The following TMEM169 variants were observed in gnomAD, a reference collection of about 807,000 sequenced individuals.
TMEM169 encodes transmembrane protein 169.
In TMEM169, 18 loss-of-function variants were observed where a neutral mutation model predicts 27.3. That is an observed-to-expected ratio of 0.66 (90% CI 0.46 to 0.98). The LOEUF (loss-of-function observed/expected upper bound fraction) is 0.98, where lower values mean the gene tolerates loss of function less well. Among genes scored for constraint, TMEM169 ranks in the 50% least tolerant of loss-of-function variants. TMEM169 has a pLI of 0.00. For missense variants in TMEM169, 320 were observed against 368.6 expected, an observed-to-expected ratio of 0.87 and a Z score of 1.08; for synonymous variants, 136 against 142.1, an observed-to-expected ratio of 0.96 and a Z score of 0.30.
chr2:216,091,426 G>A (rs553890862), intron 1 of TMEM169, among the ~76,000 whole-genome samples: 6 of 152,178 alleles, frequency 3.9e-5, no homozygotes, highest in South Asian at 4.2e-4. Flanking sequence ...GCATGGTGGC[G>A]TGTGCCTGTA....
In TMEM169 at chr2:216,099,178, A is replaced by C. The variant is rs956597245; in HGVS notation, c.272-742A>C. 1.2e-4 allele frequency among the ~76,000 whole-genome samples: 17 copies of C among 144,726 alleles called. No homozygotes were observed. Among genetic ancestry groups the C allele is most frequent in the African/African-American group, 4.4e-4 (17 of 38,532 alleles). 94.9% of individuals were successfully genotyped at this position (144,726 alleles called of 152,430 possible). ...TGTGTTGTATGTGGTATGTGTGGGG[A>C]GGTTGTGTGTGGCATGTGTGTGGTG... is the stretch of plus-strand genomic sequence containing the variant. On this transcript the variant is annotated intron_variant, in intron 2 of 2. Transcript: ENST00000437356. The surrounding 1 kb of genome is among the most constrained non-coding windows in gnomAD (Gnocchi z 5.0).
At chr2:216,085,077 C>T (rs1156736805) in intron 1 of TMEM169, among the ~76,000 whole-genome samples, 3 of 152,180 alleles carry the variant, frequency 2.0e-5, no homozygotes, top group African/African-American at 7.2e-5. Context: ...GCAGCCTCTG[C>T]CTCCCAGGTT....
chr2:216,094,492 T>A (rs926398103), intron 1 of TMEM169, among the ~76,000 whole-genome samples: 3 of 152,106 alleles, frequency 2.0e-5, no homozygotes, highest in Non-Finnish European at 2.9e-5. Flanking sequence ...ATGGGTATAG[T>A]CAATGGCCAT....
intron 1 of TMEM169, among the ~76,000 whole-genome samples, chr2:216,091,064 G>C (rs1440617630): frequency 6.6e-6 from 1 of 152,178 alleles, no homozygotes; most frequent in Non-Finnish European, 1.5e-5. Context: ...AGCCAAACAG[G>C]GACAGAGCCA....
chr2:216,100,856 G>C lies in TMEM169; in HGVS notation c.*314G>C. ...AAGTGTTACTGGTGCCTGGAACTGA[G>C]GGGAGTATGTGACTAAATGTGTCAG... On this transcript the variant is annotated 3_prime_UTR_variant, in exon 3 of 3. Coordinates refer to ENST00000437356, the MANE Select transcript of TMEM169 (RefSeq NM_001142311.2). 2.5e-6 allele frequency: 1 copy of C among 401,762 alleles called. No homozygotes were observed. The highest frequency in any genetic ancestry group is 4.6e-6 in the Non-Finnish European group (1 of 215,662). 24.9% of individuals were successfully genotyped at this position (401,762 alleles called of 1,614,324 possible).
At chr2:216,091,286 G>C (rs774622225) in intron 1 of TMEM169, among the ~76,000 whole-genome samples, 11 of 152,034 alleles carry the variant, frequency 7.2e-5, no homozygotes, top group Non-Finnish European at 1.6e-4. Context: ...AGACCCAGAG[G>C]CTAGGCTCAG....
In TMEM169 at chr2:216,099,398, T is replaced by C. The variant is rs558447385; in HGVS notation, c.272-522T>C. 3.3e-5 allele frequency among the ~76,000 whole-genome samples: 5 copies of C among 151,774 alleles called. No homozygotes were observed. The highest frequency in any genetic ancestry group is 1.2e-4 in the African/African-American group (5 of 41,350). On this transcript the variant is annotated intron_variant, in intron 2 of 2. Transcript: ENST00000437356. The surrounding 1 kb of genome is among the most constrained non-coding windows in gnomAD (Gnocchi z 5.0). ...TAGTATGTGAGAGGGTGTATGTGTA[T>C]GGTATATGTGGGATGCATGTGTGTA...
At chr2:216,088,727 T>G (rs1696063544) in intron 1 of TMEM169, among the ~76,000 whole-genome samples, 1 of 152,206 alleles carries the variant, frequency 6.6e-6, no homozygotes, top group Non-Finnish European at 1.5e-5. Context: ...AGATAATGCA[T>G]GTACTGTATA....
chr2:216,100,007 TC>T lies in TMEM169; in HGVS notation c.361del (p.His121MetfsTer4). On this transcript the variant is annotated frameshift_variant, in exon 3 of 3. Coordinates refer to ENST00000437356, the MANE Select transcript of TMEM169 (RefSeq NM_001142311.2). LOFTEE classifies it high-confidence loss of function. ...AAGAAAAAGGGTCAGATGGTGGACA[TC>T]CATGTCACATTGACAGAGAAAGAGC... ...RGKKKGQMVD[I>X]HVTLTEKELQ... is the part of the protein sequence containing the mutation. The T allele has an allele frequency of 6.2e-7, 1 of 1,614,134 alleles. No individual in the cohort carries two copies. The highest frequency in any genetic ancestry group is 8.5e-7 in the Non-Finnish European group (1 of 1,180,026).
rs773761983 is a variant in TMEM169 at position 216,100,209 on chromosome 2, G to A, written c.561G>A (p.Trp187Ter). The change falls in exon 3 of 3, where the codon TGG becomes TGA. Residue 187 changes from tryptophan to a stop codon, truncating the protein, a stop_gained. Transcript: ENST00000437356. LOFTEE classifies it high-confidence loss of function. ...VVSFYYGTIT[W>*]YNIFLVYNEE... ...CTTTCTACTACGGCACTATCACCTG[G>A]TACAACATCTTCCTCGTGTATAATG... is the stretch of plus-strand genomic sequence containing the variant. 1 of 1,613,576 alleles carries A rather than the reference G, an allele frequency of 6.2e-7. No homozygotes were observed. The highest frequency in any genetic ancestry group is 1.1e-5 in the South Asian group (1 of 91,064).
chr2:216,101,686 GT>G lies in TMEM169; in HGVS notation c.*1145del, dbSNP rs1054717390. 6.6e-6 allele frequency: 1 copy of G among 151,748 alleles called. No individual in the cohort carries two copies. Among genetic ancestry groups the G allele is most frequent in the Non-Finnish European group, 1.5e-5 (1 of 67,960 alleles). The allele number at this position is 151,748 out of a possible 1,614,324, so 9.4% of individuals were successfully genotyped here. ...TTTAGTAGAGATGGGGTTTCACCAT[GT>G]GCCCAGGCTGGTCTTGAACTCCTGA... On this transcript the variant is annotated 3_prime_UTR_variant, in exon 3 of 3. Coordinates refer to ENST00000437356, the MANE Select transcript of TMEM169 (RefSeq NM_001142311.2).
Position 216,100,108 on chromosome 2 carries a change from G to A in TMEM169, c.460G>A (p.Ala154Thr), listed in dbSNP as rs368185957. ...PEGRMACQMG[A>T]DRGPHVVLWT... The stretch of plus-strand genomic sequence containing the variant: ...AGGAAGAATGGCCTGCCAGATGGGA[G>A]CTGACCGTGGGCCCCATGTGGTCCT... Residue 154 changes from alanine (A) to threonine (T), a missense_variant, in exon 3 of 3, where the codon GCT becomes ACT. Coordinates refer to ENST00000437356, the MANE Select transcript of TMEM169 (RefSeq NM_001142311.2). The A allele has an allele frequency of 1.9e-6, 3 of 1,614,046 alleles. No individual in the cohort carries two copies. The African/African-American group carries it at 4.0e-5, about 22-fold the overall frequency.
chr2:216,084,108 C>G (rs907363108), intron 1 of TMEM169, among the ~76,000 whole-genome samples: 4 of 152,122 alleles, frequency 2.6e-5, no homozygotes, highest in African/African-American at 9.7e-5. Flanking sequence ...TCCCACACCC[C>G]CGAACCTCTC....
At chr2:216,095,109 CTTTT>C (rs71047975) in intron 1 of TMEM169, among the ~76,000 whole-genome samples, 1 of 110,476 alleles carries the variant, frequency 9.1e-6, no homozygotes. Flanking sequence ...TTTTTTCTTT[CTTTT>C]TTTTTTTTTT....
At chr2:216,091,337 C>T (rs761828372) in intron 1 of TMEM169, among the ~76,000 whole-genome samples, 7 of 151,942 alleles carry the variant, frequency 4.6e-5, no homozygotes, top group African/African-American at 9.7e-5. Context: ...AAGGCCAAGG[C>T]GGGCGGATCA....
At chr2:216,098,159 G>A (rs1233557387) in intron 2 of TMEM169, among the ~76,000 whole-genome samples, 5 of 152,180 alleles carry the variant, frequency 3.3e-5, no homozygotes, top group Non-Finnish European at 7.4e-5. Flanking sequence ...GAAGTCAATG[G>A]AGGACTTTTA....
intron 1 of TMEM169, among the ~76,000 whole-genome samples, chr2:216,092,075 C>A (rs1330076616): frequency 6.6e-6 from 1 of 152,194 alleles, no homozygotes; most frequent in East Asian, 1.9e-4. Context: ...GCCAGGAGCT[C>A]ACCCTTTACA....
rs925105178 is a variant in TMEM169, at chr2:216,102,348, T to C, written c.*1806T>C. On this transcript the variant is annotated 3_prime_UTR_variant, in exon 3 of 3. Transcript: ENST00000437356. The stretch of plus-strand genomic sequence containing the variant: ...CTGTAGGGAGTGTAAACTAGATTAA[T>C]ACAGATTAACAGACTCTGAACTTAA... The C allele has an allele frequency of 6.6e-6, 1 of 152,030 alleles. No homozygotes were observed. The highest frequency in any genetic ancestry group is 1.5e-5 in the Non-Finnish European group (1 of 68,000). 9.4% of individuals were successfully genotyped at this position (152,030 alleles called of 1,614,324 possible). A position where few individuals can be genotyped will look rare whatever the true frequency, so the allele number is the denominator to read the frequency against.
In TMEM169 at chr2:216,100,458, T is replaced by G; in HGVS notation, c.810T>G (p.Ile270Met). Reference sequence around the variant, plus strand: ...TGGAGGACTGTTCTCCCTACAGCATTGTGGAGTTGCTTGAATCCGACAATA... The same window carrying G: ...TGGAGGACTGTTCTCCCTACAGCATGGTGGAGTTGCTTGAATCCGACAATA... ...LGLEDCSPYSIVELLESDNIS... is the reference protein window; with the variant it reads ...LGLEDCSPYSMVELLESDNIS... The change falls in exon 3 of 3, where the codon ATT (isoleucine) becomes ATG (methionine). Residue 270 changes from isoleucine (I) to methionine (M), a missense_variant. Ile to Met is a conservative substitution (Grantham distance 10). Transcript: ENST00000437356. The G allele has an allele frequency of 1.2e-6, 2 of 1,613,976 alleles. No homozygotes were observed. The highest frequency in any genetic ancestry group is 1.7e-6 in the Non-Finnish European group (2 of 1,180,004).
Sources: allele counts gnomAD v4.1 joint callset (sites outside exome capture counted in the v4.1 genomes callset), GRCh38; gene constraint gnomAD v4.1.1; non-coding constraint Gnocchi (gnomAD v3.1); transcripts MANE v1.5; gene names NCBI Gene and HGNC (gene_info 2026-07-23, HGNC 2026-07-21).